The following SMAD5 variants were observed in gnomAD, a reference collection of about 807,000 sequenced individuals.
The protein encoded by SMAD5 is SMAD family member 5.
Under a neutral mutation model 43.1 loss-of-function variants are expected in SMAD5, and 9 were observed. The ratio of observed to expected loss-of-function variants is 0.21; its 90% CI spans 0.13 to 0.36. SMAD5 has a LOEUF of 0.36. SMAD5 is among the 10% of genes least tolerant of loss of function. SMAD5 has a pLI of 1.00. For synonymous variants in SMAD5, 190 were observed against 192.4 expected (o/e 0.99, Z 0.10); for missense variants, 348 against 574.0 (o/e 0.61, Z 4.02).
At chr5:136,153,520 C>G (rs937603321) in intron 2 of SMAD5, 72 bp from the exon 3 acceptor site, 7 of 345,904 alleles carry the variant, frequency 2.0e-5, no homozygotes, top group Non-Finnish European at 3.6e-5. Context: ...ATATGCCTTT[C>G]GATTATATTA....
rs113999860 is a variant in SMAD5, at chr5:136,155,887, T to G, written c.403+1724T>G. ...TTGGTAGGTGATGCTCAGTAAATTTTTTTTATAATGAATGGTATAAGCTGA... is the reference window on the plus strand; with the variant it reads ...TTGGTAGGTGATGCTCAGTAAATTTGTTTTATAATGAATGGTATAAGCTGA... On this transcript the variant is annotated intron_variant, in intron 3 of 7. Coordinates refer to ENST00000545279, the MANE Select transcript of SMAD5 (RefSeq NM_005903.7). 8.3e-3 allele frequency among the ~76,000 whole-genome samples: 1,260 copies of G among 152,352 alleles called. 10 individuals are homozygous for G. Among genetic ancestry groups the G allele is most frequent in the African/African-American group, 0.028 (1,168 of 41,582 alleles).
rs1168940813 is a variant in SMAD5, at chr5:136,182,075, A to G, written c.*4595A>G. On this transcript the variant is annotated 3_prime_UTR_variant, in exon 8 of 8. Transcript: ENST00000545279. ...ATTCTTAAAATGATCGTAAACCATT[A>G]TCCTTTAAAGGTTTATTTGAAGATG... 6.6e-6 allele frequency: 1 copy of G among 152,186 alleles called. No homozygotes were observed. Among genetic ancestry groups the G allele is most frequent in the East Asian group, 1.9e-4 (1 of 5,192 alleles). The allele number at this position is 152,186 out of a possible 1,614,324, so 9.4% of individuals were successfully genotyped here.
At chr5:136,153,079 T>C (rs1276315950) in intron 2 of SMAD5, among the ~76,000 whole-genome samples, 1 of 152,180 alleles carries the variant, frequency 6.6e-6, no homozygotes, top group East Asian at 1.9e-4. Context: ...ACAATTTGCA[T>C]CTAATAATGT....
At position 136,137,161 on chromosome 5, in the gene SMAD5, C is replaced by T. The variant is rs535546403; in HGVS notation, c.-245+4199C>T. 6.0e-5 allele frequency among the ~76,000 whole-genome samples: 9 copies of T among 148,920 alleles called. No individual in the cohort carries two copies. The East Asian group carries it at 1.8e-3, about 30-fold the overall frequency. On this transcript the variant is annotated intron_variant, in intron 1 of 7. Coordinates refer to ENST00000545279, the MANE Select transcript of SMAD5 (RefSeq NM_005903.7). ...AGATGATATTTTGCAAGAAAGAGTT[C>T]TTTATTAAGTCAGTTCTGTGTGTGC...
intron 1 of SMAD5, among the ~76,000 whole-genome samples, chr5:136,141,010 A>G (rs1354527194): frequency 6.6e-6 from 1 of 152,126 alleles, no homozygotes; most frequent in African/African-American, 2.4e-5. Flanking sequence ...ATCAGTTAAT[A>G]CAGTGAAGAA....
intron 1 of SMAD5, among the ~76,000 whole-genome samples, chr5:136,141,695 A>G (rs1753087973): frequency 6.6e-6 from 1 of 152,162 alleles, no homozygotes; most frequent in Non-Finnish European, 1.5e-5. Flanking sequence ...GTTAATGCAC[A>G]TATACTTAAA....
At chr5:136,142,633 A>G (rs1358378342) in intron 1 of SMAD5, among the ~76,000 whole-genome samples, 6 of 152,180 alleles carry the variant, frequency 3.9e-5, no homozygotes. Context: ...AAGGTATACT[A>G]TGAAAGGCCA....
chr5:136,166,809 T>C (rs1312365121), intron 5 of SMAD5, among the ~76,000 whole-genome samples: 5 of 152,206 alleles, frequency 3.3e-5, no homozygotes, highest in East Asian at 3.8e-4. Context: ...CTTAACCTCC[T>C]TTTCTTTTCT....
At chr5:136,152,328 A>G (rs146549833) in intron 2 of SMAD5, among the ~76,000 whole-genome samples, 19 of 152,298 alleles carry the variant, frequency 1.2e-4, no homozygotes, top group African/African-American at 3.8e-4. Flanking sequence ...TTCACAATAC[A>G]TGGGATGTAA....
chr5:136,137,774 G>T (rs1752939148), intron 1 of SMAD5, among the ~76,000 whole-genome samples: 1 of 152,184 alleles, frequency 6.6e-6, no homozygotes, highest in Non-Finnish European at 1.5e-5. Context: ...TGTAAATTAA[G>T]TGAATGATGA....
At chr5:136,137,260 A>G (rs1277252172) in intron 1 of SMAD5, among the ~76,000 whole-genome samples, 1 of 121,050 alleles carries the variant, frequency 8.3e-6, no homozygotes, top group Non-Finnish European at 1.7e-5. Flanking sequence ...TTGCTCTTGA[A>G]TTTTTTGGGA....
intron 4 of SMAD5, among the ~76,000 whole-genome samples, chr5:136,161,436 T>G (rs1753823566): frequency 1.3e-5 from 2 of 152,238 alleles, no homozygotes; most frequent in Admixed American, 1.3e-4. Flanking sequence ...CTATGTGAGA[T>G]AGATATTCCT....
intron 7 of SMAD5, 129 bp downstream of exon 7, chr5:136,174,761 A>G: frequency 3.2e-6 from 2 of 631,650 alleles, no homozygotes; most frequent in Non-Finnish European, 5.5e-6. Context: ...AGGTTTTTAA[A>G]TAAAATTATT....
Position 136,153,688 on chromosome 5 carries a change from T to C in SMAD5, c.-73T>C. The stretch of plus-strand genomic sequence containing the variant: ...TTCTGCTTAGGACCTGTGTATGACG[T>C]TTCACCTGTGATCTGTTCTTTCGGT... On this transcript the variant is annotated 5_prime_UTR_variant, in exon 3 of 8. Coordinates refer to ENST00000545279, the MANE Select transcript of SMAD5 (RefSeq NM_005903.7). The C allele has an allele frequency of 2.3e-6, 3 of 1,303,874 alleles. No individual in the cohort carries two copies. Among genetic ancestry groups the C allele is most frequent in the Non-Finnish European group, 1.1e-6 (1 of 938,280 alleles). The allele number at this position is 1,303,874 out of a possible 1,614,324, so 80.8% of individuals were successfully genotyped here.
chr5:136,132,906 T>TGCAGCGAGGAGAAGC lies in SMAD5; in HGVS notation c.-293_-279dup, dbSNP rs1438026920. 9 of 152,240 alleles carry TGCAGCGAGGAGAAGC rather than the reference T, an allele frequency of 5.9e-5. No homozygotes were observed. Among genetic ancestry groups the TGCAGCGAGGAGAAGC allele is most frequent in the African/African-American group, 1.4e-4 (6 of 41,462 alleles). 9.4% of individuals were successfully genotyped at this position (152,240 alleles called of 1,614,324 possible). On this transcript the variant is annotated 5_prime_UTR_variant, in exon 1 of 8. Coordinates refer to ENST00000545279, the MANE Select transcript of SMAD5 (RefSeq NM_005903.7). ...CCCGCGGCCGAGCTGCTAATAAAGT[T>TGCAGCGAGGAGAAGC]GCAGCGAGGAGAAGCGCAGCGACGG...
intron 4 of SMAD5, 109 bp downstream of exon 4, chr5:136,161,216 G>T (rs967262577): frequency 1.1e-6 from 1 of 890,420 alleles, no homozygotes; most frequent in East Asian, 2.6e-5. Flanking sequence ...TATAATAGCT[G>T]TTTCTGACTC....
chr5:136,139,559 C>A (rs1265022287), intron 1 of SMAD5, among the ~76,000 whole-genome samples: 1 of 152,138 alleles, frequency 6.6e-6, no homozygotes, highest in African/African-American at 2.4e-5. Context: ...CTGCTCACCA[C>A]CCCACTGCTA....
intron 4 of SMAD5, among the ~76,000 whole-genome samples, chr5:136,161,879 C>T (rs545290094): frequency 8.3e-4 from 127 of 152,254 alleles, no homozygotes; most frequent in Non-Finnish European, 1.6e-3. Context: ...CCAGTTTTAT[C>T]ATAGGCTAGT....
chr5:136,167,821 A>G (rs920018239), intron 5 of SMAD5, among the ~76,000 whole-genome samples: 1 of 151,178 alleles, frequency 6.6e-6, no homozygotes, highest in Non-Finnish European at 1.5e-5. Flanking sequence ...TAAATTGCCT[A>G]CATAGACCAT....
Sources: allele counts gnomAD v4.1 joint callset (sites outside exome capture counted in the v4.1 genomes callset), GRCh38; gene constraint gnomAD v4.1.1; transcripts MANE v1.5; gene names NCBI Gene and HGNC (gene_info 2026-07-23, HGNC 2026-07-21).